The following MTMR14 variants were observed in gnomAD, a reference collection of about 807,000 sequenced individuals.
MTMR14 encodes phosphatidylinositol-3,5-bisphosphate 3-phosphatase MTMR14.
Under a neutral mutation model 86.3 loss-of-function variants are expected in MTMR14, and 48 were observed. The ratio of observed to expected loss-of-function variants is 0.56; its 90% CI spans 0.44 to 0.71. The LOEUF (loss-of-function observed/expected upper bound fraction) is 0.71. Among genes scored for constraint, MTMR14 ranks in the 30% least tolerant of loss-of-function variants. The pLI is 0.00. For missense variants in MTMR14, 780 were observed against 834.6 expected (o/e 0.93, Z 0.81); for synonymous variants, 366 against 326.1 (o/e 1.12, Z -1.32).
chr3:9,687,964 G>A, intron 14 of MTMR14, 73 bp downstream of exon 14: 1 of 1,272,138 alleles, frequency 7.9e-7, no homozygotes, highest in Non-Finnish European at 1.1e-6. Flanking sequence ...GAGGCAAGAG[G>A]CTGACCACCT....
chr3:9,653,517 C>T (rs993523016), intron 1 of MTMR14, 104 bp from the exon 2 acceptor site: 3 of 1,411,700 alleles, frequency 2.1e-6, no homozygotes, highest in Admixed American at 3.4e-5. Flanking sequence ...AATTATCACC[C>T]AGGTACATGT....
At chr3:9,688,007 G>A in intron 14 of MTMR14, 116 bp downstream of exon 14, 2 of 898,948 alleles carry the variant, frequency 2.2e-6, no homozygotes, top group Non-Finnish European at 3.5e-6. Flanking sequence ...TTGTTGGGCT[G>A]GTGCTCCCTC....
chr3:9,687,782 G>A (rs1372865599), intron 13 of MTMR14, 39 bp from the exon 14 acceptor site: 1 of 1,541,510 alleles, frequency 6.5e-7, no homozygotes, highest in Non-Finnish European at 8.8e-7. Flanking sequence ...CTGCTGCCTT[G>A]GTTCTTCTCA....
chr3:9,663,913 C>T (rs1194314005), intron 3 of MTMR14, among the ~76,000 whole-genome samples: 2 of 151,966 alleles, frequency 1.3e-5, no homozygotes, highest in Non-Finnish European at 2.9e-5. Context: ...CTCAGCCTCC[C>T]GAGTAGCTGG....
At chr3:9,669,401 C>T in intron 4 of MTMR14, 31 bp from the exon 5 acceptor site, 1 of 1,612,504 alleles carries the variant, frequency 6.2e-7, no homozygotes, top group African/African-American at 1.3e-5. Context: ...GGTCACCAGC[C>T]TCAGTACTGA....
intron 7 of MTMR14, chr3:9,675,550 A>G (rs576870975): frequency 2.2e-6 from 1 of 457,026 alleles, no homozygotes; most frequent in South Asian, 1.5e-5. Context: ...AGCACACCAA[A>G]ATAGATGGTC....
At chr3:9,695,003 GT>G (rs1378320604) in intron 17 of MTMR14, among the ~76,000 whole-genome samples, 1 of 152,224 alleles carries the variant, frequency 6.6e-6, no homozygotes, top group Non-Finnish European at 1.5e-5. Context: ...CCACCATCCA[GT>G]TTGAGGGTTG....
At position 9,702,196 on chromosome 3, in the gene MTMR14, C is replaced by T. The variant is rs2076481622; in HGVS notation, c.*223C>T. 2 of 603,578 alleles carry T rather than the reference C, an allele frequency of 3.3e-6. No homozygotes were observed. Among genetic ancestry groups the T allele is most frequent in the South Asian group, 1.8e-5 (1 of 54,466 alleles). 37.4% of individuals were successfully genotyped at this position (603,578 alleles called of 1,614,324 possible). On this transcript the variant is annotated 3_prime_UTR_variant, in exon 19 of 19. Transcript: ENST00000296003. ...CACCACCCCTTCTTGTCACTGTCTC[C>T]CACCCACCCCATCTTTGCTGGGATT...
In MTMR14 at chr3:9,649,554, A is replaced by G; in HGVS notation, c.-30A>G. 1 of 1,529,214 alleles carries G rather than the reference A, an allele frequency of 6.5e-7. No homozygotes were observed. The allele number at this position is 1,529,214 out of a possible 1,614,324, so 94.7% of individuals were successfully genotyped here. A position where few individuals can be genotyped will look rare whatever the true frequency, so the allele number is the denominator to read the frequency against. On this transcript the variant is annotated 5_prime_UTR_variant, in exon 1 of 19. Transcript: ENST00000296003. ...CAGGCAGGTGCCATGGGCCCGCTTG[A>G]GGCACACTGAGGGGACGCGGGGCTG... is the stretch of plus-strand genomic sequence containing the variant.
At chr3:9,697,978 T>G in intron 18 of MTMR14, 112 bp downstream of exon 18, 1 of 1,441,080 alleles carries the variant, frequency 6.9e-7, no homozygotes, top group Admixed American at 1.7e-5. Flanking sequence ...TGGCCTGGCC[T>G]CCTGCCCTCC....
Position 9,668,793 on chromosome 3 carries a change from A to G in MTMR14, c.492A>G (p.Ser164=). 1.2e-6 allele frequency: 2 copies of G among 1,603,410 alleles called. No individual in the cohort carries two copies. Among genetic ancestry groups the G allele is most frequent in the Non-Finnish European group, 1.7e-6 (2 of 1,170,268 alleles). Residue 164 remains serine (S), a splice_region_variant and synonymous_variant, in exon 4 of 19, where the codon TCA becomes TCG. Transcript: ENST00000296003. ...GCTCAGGCTACAACTATTTTTTCTC[A>G]GGTGAATGTTGAACAGCATCCTCTG... is the stretch of plus-strand genomic sequence containing the variant. ...YGRSGYNYFF[S]GGADDAWADV...
intron 2 of MTMR14, 53 bp from the exon 3 acceptor site, chr3:9,662,214 C>A: frequency 1.4e-6 from 2 of 1,385,584 alleles, no homozygotes; most frequent in Non-Finnish European, 2.1e-6. Flanking sequence ...CACATATACA[C>A]AAAGTGCCCA....
intron 9 of MTMR14, 65 bp from the exon 10 acceptor site, chr3:9,683,112 AT>A: frequency 6.6e-7 from 1 of 1,505,328 alleles, no homozygotes; most frequent in Non-Finnish European, 9.2e-7. Flanking sequence ...TTGGCATTTT[AT>A]TTTTTAAATA....
At chr3:9,656,710 G>T (rs1272021624) in intron 2 of MTMR14, among the ~76,000 whole-genome samples, 1 of 151,822 alleles carries the variant, frequency 6.6e-6, no homozygotes, top group African/African-American at 2.4e-5. Context: ...GAGCCACCGC[G>T]CCCAGCTGGG....
At chr3:9,691,261 G>A (rs1254333557) in intron 17 of MTMR14, among the ~76,000 whole-genome samples, 2 of 152,164 alleles carry the variant, frequency 1.3e-5, no homozygotes, top group Non-Finnish European at 2.9e-5. Flanking sequence ...ACCGCCACAC[G>A]CCGTCTGGCC....
At chr3:9,662,589 G>A (rs962123310) in intron 3 of MTMR14, among the ~76,000 whole-genome samples, 4 of 152,088 alleles carry the variant, frequency 2.6e-5, no homozygotes, top group South Asian at 2.1e-4. Context: ...ACCCCACCCC[G>A]TGTTCCAGAG....
chr3:9,688,814 G>A, intron 15 of MTMR14, 60 bp downstream of exon 15: 1 of 1,610,082 alleles, frequency 6.2e-7, no homozygotes, highest in Non-Finnish European at 8.5e-7. Context: ...GTACAGATCA[G>A]GCAGGAACTG....
chr3:9,682,872 G>A (rs1043658883), intron 9 of MTMR14, among the ~76,000 whole-genome samples: 10 of 152,244 alleles, frequency 6.6e-5, no homozygotes, highest in Admixed American at 1.3e-4. Flanking sequence ...GTGGGCAGGG[G>A]GCTCTGGGTC....
chr3:9,701,711 G>C lies in MTMR14; in HGVS notation c.1770-79G>C, dbSNP rs2076463595. On this transcript the variant is annotated intron_variant, in intron 18 of 18. Coordinates refer to ENST00000296003, the MANE Select transcript of MTMR14 (RefSeq NM_001077525.3). The surrounding 1 kb of genome is among the most constrained non-coding windows in gnomAD (Gnocchi z 4.2). Reference sequence around the variant, plus strand: ...GTCAGAAGAAGCACAAGGACAGGTGGTATGGAGGGAGGGAGGATGAGGATA... The same window carrying C: ...GTCAGAAGAAGCACAAGGACAGGTGCTATGGAGGGAGGGAGGATGAGGATA... The C allele has an allele frequency of 7.3e-7, 1 of 1,378,198 alleles. No homozygotes were observed. 85.4% of individuals were successfully genotyped at this position (1,378,198 alleles called of 1,614,324 possible).
Sources: allele counts gnomAD v4.1 joint callset (sites outside exome capture counted in the v4.1 genomes callset), GRCh38; gene constraint gnomAD v4.1.1; non-coding constraint Gnocchi (gnomAD v3.1); transcripts MANE v1.5; gene names NCBI Gene and HGNC (gene_info 2026-07-23, HGNC 2026-07-21).